The following TSHZ2 variants were observed in gnomAD, a reference collection of about 807,000 sequenced individuals.
TSHZ2 encodes the protein teashirt homolog 2.
Under a neutral mutation model 74.4 loss-of-function variants are expected in TSHZ2, and 21 were observed. That is an observed-to-expected ratio of 0.28 (90% CI 0.20 to 0.41). TSHZ2 has a LOEUF of 0.41. Ranked by LOEUF, TSHZ2 falls within the 10% of genes least tolerant of loss-of-function variation. TSHZ2 has a pLI of 1.00. For missense variants in TSHZ2, 1,244 were observed against 1,293.5 expected (o/e 0.96, Z 0.59); for synonymous variants, 540 against 515.3 (o/e 1.05, Z -0.65).
chr20:53,279,077 C>T (rs1186246661), intron 2 of TSHZ2, among the ~76,000 whole-genome samples: 1 of 152,130 alleles, frequency 6.6e-6, no homozygotes, highest in Non-Finnish European at 1.5e-5. Flanking sequence ...AAAGAGAAAA[C>T]ATATTAACTA....
At chr20:53,100,823 A>G (rs1450821203) in intron 1 of TSHZ2, among the ~76,000 whole-genome samples, 1 of 152,242 alleles carries the variant, frequency 6.6e-6, no homozygotes, top group Non-Finnish European at 1.5e-5. Flanking sequence ...TTGGAACAGA[A>G]AGTGCTACTG....
At chr20:53,036,708 T>C (rs1983832722) in intron 1 of TSHZ2, among the ~76,000 whole-genome samples, 3 of 147,904 alleles carry the variant, frequency 2.0e-5, no homozygotes, top group Non-Finnish European at 4.5e-5. Context: ...TATGTATATG[T>C]ATGTATATTA....
chr20:53,177,236 A>G (rs917962325), intron 1 of TSHZ2, among the ~76,000 whole-genome samples: 2 of 152,184 alleles, frequency 1.3e-5, no homozygotes, highest in African/African-American at 2.4e-5. Context: ...AAGGACACCT[A>G]AACCAGCTCC....
At chr20:52,977,869 G>A (rs545281467) in intron 1 of TSHZ2, among the ~76,000 whole-genome samples, 1 of 152,296 alleles carries the variant, frequency 6.6e-6, no homozygotes, top group African/African-American at 2.4e-5. Flanking sequence ...AATCTTCTCT[G>A]AGGCTTAAGA....
intron 2 of TSHZ2, among the ~76,000 whole-genome samples, chr20:53,435,538 G>C (rs1006991294): frequency 8.5e-5 from 13 of 152,208 alleles, no homozygotes; most frequent in Non-Finnish European, 1.9e-4. Flanking sequence ...TTTTGAGACA[G>C]AGTCTTGCTC....
At chr20:53,083,062 C>G (rs776802137) in intron 1 of TSHZ2, among the ~76,000 whole-genome samples, 1 of 152,172 alleles carries the variant, frequency 6.6e-6, no homozygotes, top group Non-Finnish European at 1.5e-5. Context: ...ACAAAATGAC[C>G]ACTACTTGCA....
At chr20:53,372,218 G>A (rs1179845961) in intron 2 of TSHZ2, among the ~76,000 whole-genome samples, 3 of 152,080 alleles carry the variant, frequency 2.0e-5, no homozygotes, top group South Asian at 2.1e-4. Flanking sequence ...GGCTCATGCC[G>A]TAATCCTAGC....
intron 1 of TSHZ2, among the ~76,000 whole-genome samples, chr20:53,245,041 G>A (rs186041284): frequency 3.9e-5 from 6 of 152,318 alleles, no homozygotes; most frequent in Admixed American, 2.6e-4. Flanking sequence ...TCAGCCATCT[G>A]TGGGTTCAGG....
At chr20:53,163,218 T>C (rs1473439578) in intron 1 of TSHZ2, among the ~76,000 whole-genome samples, 3 of 152,146 alleles carry the variant, frequency 2.0e-5, no homozygotes, top group Non-Finnish European at 2.9e-5. Context: ...CCTGTCCTTG[T>C]GTGATTTTAT....
intron 1 of TSHZ2, among the ~76,000 whole-genome samples, chr20:53,050,113 ATATATATATATACACATATATATATGTG>A (rs1984383463): frequency 1.0e-5 from 1 of 97,998 alleles, no homozygotes; most frequent in Non-Finnish European, 1.8e-5. Context: ...GTATATATAT[ATATATATATATACACATATATATATGTG>A]TATATATATA....
chr20:53,493,304 C>T lies in TSHZ2; in HGVS notation c.*6169C>T, dbSNP rs1265248969. Reference sequence around the variant, plus strand: ...TGAGTTTACAAAGAAACTATAAGAACCAAGTTTGTCTGTCTGCATGAGTCC... The same window carrying T: ...TGAGTTTACAAAGAAACTATAAGAATCAAGTTTGTCTGTCTGCATGAGTCC... On this transcript the variant is annotated 3_prime_UTR_variant, in exon 3 of 3. Transcript: ENST00000371497. The T allele has an allele frequency of 2.0e-5, 3 of 152,198 alleles. No homozygotes were observed. Among genetic ancestry groups the T allele is most frequent in the Non-Finnish European group, 4.4e-5 (3 of 68,038 alleles). The allele number at this position is 152,198 out of a possible 1,614,324, so 9.4% of individuals were successfully genotyped here. A position where few individuals can be genotyped will look rare whatever the true frequency, so the allele number is the denominator to read the frequency against.
Position 53,253,421 on chromosome 20 carries a change from C to CACTT in TSHZ2, c.41-76_41-73dup, listed in dbSNP as rs373966478. 521 of 1,510,248 alleles carry CACTT rather than the reference C, an allele frequency of 3.4e-4. 1 individual carries two copies. In the African/African-American group the frequency reaches 6.0e-3, roughly 17 times the overall value. 93.6% of individuals were successfully genotyped at this position (1,510,248 alleles called of 1,614,324 possible). A position where few individuals can be genotyped will look rare whatever the true frequency, so the allele number is the denominator to read the frequency against. On this transcript the variant is annotated intron_variant, in intron 1 of 2. Coordinates refer to ENST00000371497, the MANE Select transcript of TSHZ2 (RefSeq NM_173485.6). Reference sequence around the variant, plus strand: ...TCACCGTTCAGTTCGGCATGGGAAGCACTTAGTCTATGTGAGGAAATTGGA... The same window carrying CACTT: ...TCACCGTTCAGTTCGGCATGGGAAGCACTTACTTAGTCTATGTGAGGAAATTGGA...
chr20:53,101,140 C>T (rs915186236), intron 1 of TSHZ2, among the ~76,000 whole-genome samples: 1 of 152,172 alleles, frequency 6.6e-6, no homozygotes, highest in Non-Finnish European at 1.5e-5. Context: ...TCTGTGGTCT[C>T]TGCTTTTTCA....
intron 1 of TSHZ2, among the ~76,000 whole-genome samples, chr20:53,001,236 G>GTGTGTGTGTGTGTGTA (rs1982425628): frequency 1.8e-5 from 2 of 108,256 alleles, no homozygotes; most frequent in African/African-American, 3.0e-5. Context: ...GTGTGTGTGT[G>GTGTGTGTGTGTGTGTA]TGTGTGTGTG....
intron 1 of TSHZ2, among the ~76,000 whole-genome samples, chr20:53,194,869 A>G (rs868094280): frequency 7.2e-5 from 11 of 152,256 alleles, no homozygotes; most frequent in Non-Finnish European, 1.0e-4. Flanking sequence ...TTTGGAATCA[A>G]TCACAGGCTA....
chr20:53,442,867 G>A (rs1230376726), intron 2 of TSHZ2, among the ~76,000 whole-genome samples: 1 of 152,190 alleles, frequency 6.6e-6, no homozygotes, highest in East Asian at 1.9e-4. Context: ...TGCATTGTGT[G>A]CACTTGAGCT....
At chr20:53,082,032 C>T (rs981910803) in intron 1 of TSHZ2, among the ~76,000 whole-genome samples, 8 of 152,040 alleles carry the variant, frequency 5.3e-5, no homozygotes, top group Admixed American at 3.3e-4. Context: ...CAAGGTCACC[C>T]GTCACTGACT....
rs560199289 is a variant in TSHZ2 at position 53,177,924 on chromosome 20, C to T, written c.41-75575C>T. Among the ~76,000 whole-genome samples the T allele has an allele frequency of 7.9e-5, 12 of 152,278 alleles. No homozygotes were observed. In the South Asian group the frequency reaches 2.5e-3, roughly 32 times the overall value. On this transcript the variant is annotated intron_variant, in intron 1 of 2. Coordinates refer to ENST00000371497, the MANE Select transcript of TSHZ2 (RefSeq NM_173485.6). ...GGGGATCACAGTATCTCTCGCACTG[C>T]TTTGGCTCTTTGCACAGTGCCTGGT...
At chr20:53,448,289 G>T (rs769449967) in intron 2 of TSHZ2, among the ~76,000 whole-genome samples, 25 of 152,132 alleles carry the variant, frequency 1.6e-4, no homozygotes, top group Non-Finnish European at 3.2e-4. Flanking sequence ...ACTATGTGTA[G>T]GAAAACAGGA....
Sources: gnomAD v4.1 joint callset for allele counts (sites outside exome capture counted in the v4.1 genomes callset) on GRCh38, gnomAD v4.1.1 for gene constraint, MANE v1.5 for transcripts, NCBI Gene and HGNC (gene_info 2026-07-23, HGNC 2026-07-21) for gene names.